TMED5: variants seen among roughly 807,000 people sequenced by gnomAD.
TMED5 encodes the protein transmembrane p24 trafficking protein 5, also known as transmembrane emp24 domain-containing protein 5.
Under a neutral mutation model 23.0 loss-of-function variants are expected in TMED5, and 27 were observed. The observed-to-expected ratio is 1.17, with a 90% CI of 0.86 to 1.62. TMED5 has a LOEUF of 1.62. Among genes scored for constraint, TMED5 ranks in the 40% most tolerant of loss-of-function variants. The pLI is 0.00. For missense variants in TMED5, 248 were observed against 273.7 expected, an observed-to-expected ratio of 0.91 and a Z score of 0.66; for synonymous variants, 97 against 100.8, an observed-to-expected ratio of 0.96 and a Z score of 0.23.
At position 93,152,186 on chromosome 1, in the gene TMED5, T is replaced by A. The variant is rs548405843; in HGVS notation, c.*2484A>T. On this transcript the variant is annotated 3_prime_UTR_variant, in exon 4 of 4. Coordinates refer to ENST00000370282, the MANE Select transcript of TMED5 (RefSeq NM_016040.5). ...ATAACATTAATCATCCAAATGCATA[T>A]CAGAGCAAACTCTAGGCCTTAGTGT... 1 of 152,600 alleles carries A rather than the reference T, an allele frequency of 6.6e-6. No individual in the cohort carries two copies. The highest frequency in any genetic ancestry group is 1.5e-5 in the Non-Finnish European group (1 of 68,014). 9.5% of individuals were successfully genotyped at this position (152,600 alleles called of 1,614,324 possible).
Position 93,164,663 on chromosome 1 carries a change from G to A in TMED5, c.190-4437C>T, listed in dbSNP as rs147165057. ...ACAATATAAAATGTAGTCCTCCATCGTGGAATGCCTGGGAGGAGGAAATGC... is the reference window on the plus strand; with the variant it reads ...ACAATATAAAATGTAGTCCTCCATCATGGAATGCCTGGGAGGAGGAAATGC... On this transcript the variant is annotated intron_variant, in intron 1 of 3. Transcript: ENST00000370282. Among the ~76,000 whole-genome samples, 50 of 152,208 alleles carry A rather than the reference G, an allele frequency of 3.3e-4. No homozygotes were observed. The East Asian group carries it at 8.3e-3, about 25-fold the overall frequency.
At chr1:93,177,688 T>C (rs913499177) in intron 1 of TMED5, among the ~76,000 whole-genome samples, 5 of 150,178 alleles carry the variant, frequency 3.3e-5, no homozygotes, top group Non-Finnish European at 7.4e-5. Context: ...TATAGAGGTA[T>C]AAATGTAAAA....
intron 3 of TMED5, among the ~76,000 whole-genome samples, chr1:93,155,839 C>T (rs528677684): frequency 2.3e-4 from 35 of 152,222 alleles, no homozygotes; most frequent in Non-Finnish European, 4.7e-4. Context: ...TTACATAATG[C>T]ATGTGTTTAT....
intron 1 of TMED5, chr1:93,179,840 T>C: frequency 1.9e-6 from 1 of 525,268 alleles, no homozygotes; most frequent in Non-Finnish European, 3.3e-6. Flanking sequence ...AGGCGGGTAG[T>C]CATCAATTCC....
chr1:93,177,532 G>A (rs1333475124), intron 1 of TMED5, among the ~76,000 whole-genome samples: 3 of 140,336 alleles, frequency 2.1e-5, no homozygotes, highest in East Asian at 2.1e-4. Context: ...GGCCAAGGTC[G>A]CGCCACTGCA....
chr1:93,156,120 T>C lies in TMED5; in HGVS notation c.471+180A>G, dbSNP rs1215524245. On this transcript the variant is annotated intron_variant, in intron 3 of 3. Coordinates refer to ENST00000370282, the MANE Select transcript of TMED5 (RefSeq NM_016040.5). ...AGTTATTTGAAAACTATAAAAGGGC[T>C]ATATTAATATAAAATAAAATTAAGC... 2.5e-6 allele frequency: 3 copies of C among 1,203,384 alleles called. No individual in the cohort carries two copies. In the South Asian group the frequency reaches 4.5e-5, roughly 18 times the overall value. The allele number at this position is 1,203,384 out of a possible 1,614,324, so 74.5% of individuals were successfully genotyped here. A position where few individuals can be genotyped will look rare whatever the true frequency, so the allele number is the denominator to read the frequency against.
chr1:93,177,566 C>T lies in TMED5; in HGVS notation c.189+2488G>A, dbSNP rs1485144027. On this transcript the variant is annotated intron_variant, in intron 1 of 3. Coordinates refer to ENST00000370282, the MANE Select transcript of TMED5 (RefSeq NM_016040.5). ...CACTCCAGCCTGGGTAACAGAGTGACAGAGGGAGACTCTGTCTCAAAAAAA... is the reference window on the plus strand; with the variant it reads ...CACTCCAGCCTGGGTAACAGAGTGATAGAGGGAGACTCTGTCTCAAAAAAA... Among the ~76,000 whole-genome samples the T allele has an allele frequency of 2.9e-5, 3 of 102,062 alleles. No homozygotes were observed. In the East Asian group the frequency reaches 9.8e-4, roughly 33 times the overall value. 67.0% of individuals were successfully genotyped at this position (102,062 alleles called of 152,430 possible). A position where few individuals can be genotyped will look rare whatever the true frequency, so the allele number is the denominator to read the frequency against.
rs374615617 is a variant in TMED5 at position 93,160,183 on chromosome 1, G to A, written c.233C>T (p.Ser78Phe). The A allele has an allele frequency of 6.2e-7, 1 of 1,613,078 alleles. No individual in the cohort carries two copies. The highest frequency in any genetic ancestry group is 1.3e-5 in the African/African-American group (1 of 74,894). ...AGLDIDFHLA[S>F]PEGKTLVFEQ... Reference sequence around the variant, plus strand: ...AAAAACTAAGGTTTTGCCTTCTGGAGAGGCAAGATGGAAATCAATATCTAA... The same window carrying A: ...AAAAACTAAGGTTTTGCCTTCTGGAAAGGCAAGATGGAAATCAATATCTAA... Residue 78 changes from serine (S) to phenylalanine (F), a missense_variant, in exon 2 of 4, where the codon TCT becomes TTT. Coordinates refer to ENST00000370282, the MANE Select transcript of TMED5 (RefSeq NM_016040.5).
Position 93,175,175 on chromosome 1 carries a change from T to TTATATA in TMED5, c.189+4873_189+4878dup, listed in dbSNP as rs201008342. ...TATTTATATAATACTTAAAAGCCAT[T>TTATATA]TATATATATATATATATATATATAT... is the stretch of plus-strand genomic sequence containing the variant. On this transcript the variant is annotated intron_variant, in intron 1 of 3. Coordinates refer to ENST00000370282, the MANE Select transcript of TMED5 (RefSeq NM_016040.5). Among the ~76,000 whole-genome samples, 349 of 119,832 alleles carry TTATATA rather than the reference T, an allele frequency of 2.9e-3. 5 individuals carry two copies. Among genetic ancestry groups the TTATATA allele is most frequent in the African/African-American group, 9.1e-3 (227 of 24,936 alleles). The allele number at this position is 119,832 out of a possible 152,430, so 78.6% of individuals were successfully genotyped here.
At chr1:93,171,120 C>G (rs551710782) in intron 1 of TMED5, among the ~76,000 whole-genome samples, 1 of 152,314 alleles carries the variant, frequency 6.6e-6, no homozygotes, top group African/African-American at 2.4e-5. Context: ...ACACTCACCA[C>G]GAAGGTCTGC....
intron 2 of TMED5, among the ~76,000 whole-genome samples, chr1:93,156,809 A>C (rs1384903622): frequency 1.1e-4 from 1 of 8,800 alleles, no homozygotes; most frequent in Admixed American, 2.4e-3. Context: ...TCCTGTCTCA[A>C]AAAAAAAAAA....
At chr1:93,172,952 C>T (rs775940618) in intron 1 of TMED5, among the ~76,000 whole-genome samples, 2 of 152,032 alleles carry the variant, frequency 1.3e-5, no homozygotes, top group Non-Finnish European at 2.9e-5. Context: ...GACAGAAAGA[C>T]AAATACTGCA....
intron 1 of TMED5, among the ~76,000 whole-genome samples, chr1:93,165,000 G>A (rs1178870847): frequency 6.6e-6 from 1 of 152,222 alleles, no homozygotes; most frequent in African/African-American, 2.4e-5. Context: ...GTTACAGAGA[G>A]GCTCACATGG....
At chr1:93,156,021 A>C (rs1475898160) in intron 3 of TMED5, 1 of 1,394,784 alleles carries the variant, frequency 7.2e-7, no homozygotes, top group East Asian at 2.6e-5. Context: ...CTGCACATTT[A>C]TAAAACAAAC....
At chr1:93,179,189 C>T (rs1381029797) in intron 1 of TMED5, among the ~76,000 whole-genome samples, 1 of 152,052 alleles carries the variant, frequency 6.6e-6, no homozygotes, top group African/African-American at 2.4e-5. Context: ...TGGTGAAACC[C>T]CGTCTCTACT....
intron 1 of TMED5, among the ~76,000 whole-genome samples, chr1:93,172,778 G>T (rs957207747): frequency 1.3e-5 from 2 of 152,068 alleles, no homozygotes; most frequent in Non-Finnish European, 2.9e-5. Flanking sequence ...ACTGAAATCA[G>T]TATGTAAAAG....
intron 1 of TMED5, chr1:93,161,736 T>C (rs964747872): frequency 1.3e-5 from 2 of 152,214 alleles, no homozygotes; most frequent in African/African-American, 4.8e-5. Context: ...AATCTAAGCA[T>C]CTTTTTGTAG....
At chr1:93,172,531 C>G (rs1335554129) in intron 1 of TMED5, among the ~76,000 whole-genome samples, 1 of 152,106 alleles carries the variant, frequency 6.6e-6, no homozygotes, top group African/African-American at 2.4e-5. Context: ...TCTATAATCC[C>G]AGTAATCCCA....
At position 93,179,991 on chromosome 1, in the gene TMED5, G is replaced by T; in HGVS notation, c.189+63C>A. 3.3e-6 allele frequency: 5 copies of T among 1,517,212 alleles called. No homozygotes were observed. The South Asian group carries it at 3.6e-5, about 11-fold the overall frequency. The allele number at this position is 1,517,212 out of a possible 1,614,324, so 94.0% of individuals were successfully genotyped here. On this transcript the variant is annotated intron_variant, in intron 1 of 3. Transcript: ENST00000370282. Reference sequence around the variant, plus strand: ...GTCCACCAGAAGTTTCTAAACGGGTGAGAGGCGACAACGCAGTGCAGCTGG... The same window carrying T: ...GTCCACCAGAAGTTTCTAAACGGGTTAGAGGCGACAACGCAGTGCAGCTGG...
Sources: gnomAD v4.1 joint callset for allele counts (sites outside exome capture counted in the v4.1 genomes callset) on GRCh38, gnomAD v4.1.1 for gene constraint, MANE v1.5 for transcripts, NCBI Gene and HGNC (gene_info 2026-07-23, HGNC 2026-07-21) for gene names.